KIF16B: variants seen among roughly 807,000 people sequenced by gnomAD.
KIF16B encodes the protein kinesin-like protein KIF16B.
In KIF16B, 98 loss-of-function variants were observed where a neutral mutation model predicts 156.3. The ratio of observed to expected loss-of-function variants is 0.63; its 90% CI spans 0.53 to 0.74. KIF16B has a LOEUF of 0.74. KIF16B is among the 30% of genes least tolerant of loss of function. The pLI, the probability that KIF16B is intolerant of heterozygous loss-of-function variation, is 0.00. For synonymous variants in KIF16B, 564 were observed against 583.7 expected, an observed-to-expected ratio of 0.97 and a Z score of 0.49; for missense variants, 1,421 against 1,606.5, an observed-to-expected ratio of 0.88 and a Z score of 1.97.
intron 2 of KIF16B, among the ~76,000 whole-genome samples, chr20:16,527,062 A>G (rs2069572896): frequency 6.6e-6 from 1 of 152,254 alleles, no homozygotes; most frequent in Non-Finnish European, 1.5e-5. Context: ...GTCTTTTACC[A>G]AAGCACTGTG....
intron 1 of KIF16B, among the ~76,000 whole-genome samples, chr20:16,556,018 T>C (rs766106501): frequency 5.9e-5 from 9 of 152,228 alleles, no homozygotes; most frequent in Non-Finnish European, 1.3e-4. Flanking sequence ...AAGCTTGCCT[T>C]GGAGTATTCC....
chr20:16,404,982 TGA>T (rs1342781749), intron 16 of KIF16B, 81 bp from the exon 17 acceptor site: 3 of 908,556 alleles, frequency 3.3e-6, no homozygotes, highest in Non-Finnish European at 5.3e-6. Context: ...TTCCAACATG[TGA>T]GAGACAATGA....
intron 1 of KIF16B, among the ~76,000 whole-genome samples, chr20:16,571,880 C>T (rs1265475954): frequency 1.3e-5 from 2 of 152,106 alleles, no homozygotes; most frequent in African/African-American, 2.4e-5. Flanking sequence ...CCGCCCGCCT[C>T]GGCCTCCCAA....
intron 17 of KIF16B, among the ~76,000 whole-genome samples, chr20:16,390,549 G>C (rs1231705882): frequency 1.3e-5 from 2 of 152,012 alleles, no homozygotes; most frequent in Non-Finnish European, 2.9e-5. Flanking sequence ...TAGAGTGTGA[G>C]AGAGAGGGCC....
chr20:16,292,392 A>G (rs938954351), intron 25 of KIF16B, among the ~76,000 whole-genome samples: 1 of 152,342 alleles, frequency 6.6e-6, no homozygotes, highest in South Asian at 2.1e-4. Context: ...AACATAACTG[A>G]CACATATAGA....
In KIF16B at chr20:16,497,613, T is replaced by C; in HGVS notation, c.1242A>G (p.Arg414=). 1 of 1,605,712 alleles carries C rather than the reference T, an allele frequency of 6.2e-7. No individual in the cohort carries two copies. The highest frequency in any genetic ancestry group is 1.1e-5 in the South Asian group (1 of 90,832). Residue 414 remains arginine (R), a splice_region_variant and synonymous_variant, in exon 11 of 26, where the codon AGA becomes AGG. Transcript: ENST00000354981. ...MEEKLQQNEA[R]VQELTKEWTN... Reference sequence around the variant, plus strand: ...AAATATAAGTCAAAGTATCACTTACTCTTGCTTCATTCTGCTGAAGTTTTT... The same window carrying C: ...AAATATAAGTCAAAGTATCACTTACCCTTGCTTCATTCTGCTGAAGTTTTT...
chr20:16,289,658 G>C (rs957952275), intron 25 of KIF16B, among the ~76,000 whole-genome samples: 2 of 152,102 alleles, frequency 1.3e-5, no homozygotes, highest in South Asian at 4.1e-4. Context: ...TCAAGACCAC[G>C]GTGAAACCCC....
At chr20:16,549,456 T>TTGGTTCCAAGTTGGTTCCAAA (rs1292869771) in intron 1 of KIF16B, among the ~76,000 whole-genome samples, 2 of 151,718 alleles carry the variant, frequency 1.3e-5, no homozygotes, top group Non-Finnish European at 2.9e-5. Flanking sequence ...GACATTTGGG[T>TTGGTTCCAAGTTGGTTCCAAA]TGGTTCCAAG....
Position 16,494,249 on chromosome 20 carries a change from A to C in KIF16B, c.1302+42T>G, listed in dbSNP as rs751116965. 3.2e-6 allele frequency: 4 copies of C among 1,231,492 alleles called. No individual in the cohort carries two copies. The Admixed American group carries it at 6.8e-5, about 21-fold the overall frequency. 76.3% of individuals were successfully genotyped at this position (1,231,492 alleles called of 1,614,324 possible). On this transcript the variant is annotated intron_variant, in intron 12 of 25. Coordinates refer to ENST00000354981, the MANE Select transcript of KIF16B (RefSeq NM_024704.5). ...AAAAAAAAAAAAGTTTTACCAGTTT[A>C]ATCCACCATAGTAAGACTAAACACA...
chr20:16,277,005 C>T (rs1293927131), intron 25 of KIF16B, among the ~76,000 whole-genome samples: 2 of 152,204 alleles, frequency 1.3e-5, no homozygotes, highest in Non-Finnish European at 2.9e-5. Context: ...GGCAGCCCTC[C>T]TCGTACTCCC....
At chr20:16,536,876 G>A (rs1037578707) in intron 1 of KIF16B, among the ~76,000 whole-genome samples, 3 of 151,916 alleles carry the variant, frequency 2.0e-5, no homozygotes, top group African/African-American at 7.3e-5. Context: ...TCACCCCTAG[G>A]GGCTTTAACT....
chr20:16,400,260 A>C (rs2065615510), intron 17 of KIF16B, among the ~76,000 whole-genome samples: 1 of 152,200 alleles, frequency 6.6e-6, no homozygotes, highest in African/African-American at 2.4e-5. Context: ...TCAACAATGG[A>C]CACTCTTGAG....
At chr20:16,399,454 A>C in intron 17 of KIF16B, among the ~76,000 whole-genome samples, 1 of 152,182 alleles carries the variant, frequency 6.6e-6, no homozygotes, top group East Asian at 1.9e-4. Flanking sequence ...TCAATCACTC[A>C]AGCCCCAGCA....
intron 22 of KIF16B, chr20:16,367,932 T>A: frequency 6.9e-7 from 1 of 1,458,436 alleles, no homozygotes; most frequent in African/African-American, 1.4e-5. Flanking sequence ...GAATCTCCTG[T>A]AGACCAGAGA....
At chr20:16,483,932 T>A (rs2068046797) in intron 12 of KIF16B, among the ~76,000 whole-genome samples, 1 of 152,194 alleles carries the variant, frequency 6.6e-6, no homozygotes. Context: ...TGTGTTTTTT[T>A]AAGCTTCTTA....
intron 1 of KIF16B, among the ~76,000 whole-genome samples, chr20:16,562,575 T>C (rs2147370913): frequency 6.6e-6 from 1 of 151,846 alleles, no homozygotes; most frequent in South Asian, 2.1e-4. Flanking sequence ...GGAGGGTGAG[T>C]GGAGATACTT....
In KIF16B at chr20:16,494,359, A is replaced by C. The variant is rs1237015327; in HGVS notation, c.1243-9T>G. The C allele has an allele frequency of 5.1e-6, 8 of 1,561,116 alleles. No individual in the cohort carries two copies. In the Admixed American group the frequency reaches 1.4e-4, roughly 28 times the overall value. Reference sequence around the variant, plus strand: ...TTGGTCAATTCTTGAACCTGAAAAGAAAAATATACATACGTGACTGCTTCA... The same window carrying C: ...TTGGTCAATTCTTGAACCTGAAAAGCAAAATATACATACGTGACTGCTTCA... On this transcript the variant is annotated splice_polypyrimidine_tract_variant and intron_variant, in intron 11 of 25. Transcript: ENST00000354981.
Position 16,494,346 on chromosome 20 carries a change from T to C in KIF16B, c.1247A>G (p.Gln416Arg). ...ATTTGTCCATTCCTTGGTCAATTCT[T>C]GAACCTGAAAAGAAAAATATACATA... ...EKLQQNEARV[Q>R]ELTKEWTNKW... Residue 416 changes from glutamine (Q) to arginine (R), a missense_variant, in exon 12 of 26, where the codon CAA becomes CGA. Coordinates refer to ENST00000354981, the MANE Select transcript of KIF16B (RefSeq NM_024704.5). 1.3e-6 allele frequency: 2 copies of C among 1,594,738 alleles called. No homozygotes were observed. Among genetic ancestry groups the C allele is most frequent in the Admixed American group, 1.7e-5 (1 of 57,288 alleles).
chr20:16,462,327 C>T (rs1176937190), intron 12 of KIF16B, among the ~76,000 whole-genome samples: 2 of 152,218 alleles, frequency 1.3e-5, no homozygotes, highest in Non-Finnish European at 2.9e-5. Flanking sequence ...AATCCTCACC[C>T]GGTTCTCTCA....
Sources: allele counts gnomAD v4.1 joint callset (sites outside exome capture counted in the v4.1 genomes callset), GRCh38; gene constraint gnomAD v4.1.1; transcripts MANE v1.5; gene names NCBI Gene and HGNC (gene_info 2026-07-23, HGNC 2026-07-21).